Variants in CADM2 observed in about 807,000 individuals in gnomAD.
CADM2 encodes cell adhesion molecule 2, also known as immunoglobulin superfamily member 4D.
CADM2 carries 12 observed loss-of-function variants against 49.8 expected under a neutral mutation model. That is an observed-to-expected ratio of 0.24 (90% confidence interval 0.15 to 0.39). CADM2 has a LOEUF of 0.39. CADM2 is among the 10% of genes least tolerant of loss of function. The pLI is 1.00. For missense variants in CADM2, 378 were observed against 492.3 expected, an observed-to-expected ratio of 0.77 and a Z score of 2.20; for synonymous variants, 214 against 175.4, an observed-to-expected ratio of 1.22 and a Z score of -1.74.
At chr3:85,064,788 AATAG>A (rs755676195) in intron 1 of CADM2, among the ~76,000 whole-genome samples, 20 of 152,246 alleles carry the variant, frequency 1.3e-4, no homozygotes, top group Non-Finnish European at 2.8e-4. Context: ...CTGATTGAAT[AATAG>A]ATGATGATTG....
intron 1 of CADM2, among the ~76,000 whole-genome samples, chr3:85,282,628 G>A (rs969420180): frequency 4.6e-5 from 7 of 151,674 alleles, no homozygotes; most frequent in African/African-American, 1.5e-4. Flanking sequence ...GAGAATTACC[G>A]TAGTAAAGAA....
intron 1 of CADM2, among the ~76,000 whole-genome samples, chr3:85,236,617 C>T (rs891773545): frequency 2.0e-5 from 3 of 152,008 alleles, no homozygotes; most frequent in African/African-American, 7.2e-5. Flanking sequence ...TTAAGGAAAT[C>T]ATTTTTATAT....
In CADM2 at chr3:85,510,824, G is replaced by T. The variant is rs2040582442; in HGVS notation, c.62-215698G>T. On this transcript the variant is annotated intron_variant, in intron 1 of 9. Coordinates refer to ENST00000383699, the MANE Select transcript of CADM2 (RefSeq NM_001167675.2). ...TACTTCATATGTAATACTGTGCTAG[G>T]TATTGTATTAAAAGGATAAATATAA... Among the ~76,000 whole-genome samples, 3 of 151,678 alleles carry T rather than the reference G, an allele frequency of 2.0e-5. No individual in the cohort carries two copies. In the South Asian group the frequency reaches 6.2e-4, roughly 32 times the overall value.
intron 1 of CADM2, among the ~76,000 whole-genome samples, chr3:85,586,681 G>A (rs2062955041): frequency 6.6e-6 from 1 of 152,096 alleles, no homozygotes; most frequent in African/African-American, 2.4e-5. Context: ...AAAAGTAACT[G>A]TGGTTTTTAC....
chr3:85,099,110 G>C (rs982828419), intron 1 of CADM2, among the ~76,000 whole-genome samples: 13 of 152,072 alleles, frequency 8.5e-5, no homozygotes, highest in Non-Finnish European at 1.6e-4. Context: ...TTCAGGGCTA[G>C]AACTCCCCAA....
chr3:85,114,169 G>GCTTA, intron 1 of CADM2, among the ~76,000 whole-genome samples: 1 of 152,080 alleles, frequency 6.6e-6, no homozygotes, highest in East Asian at 1.9e-4. Flanking sequence ...GGGTTGCAAG[G>GCTTA]CTTAGCTCAC....
chr3:85,781,925 T>A (rs1307391686), intron 2 of CADM2, among the ~76,000 whole-genome samples: 4 of 152,238 alleles, frequency 2.6e-5, no homozygotes, highest in East Asian at 3.9e-4. Flanking sequence ...ACACACCTAC[T>A]GTAAATGTTA....
intron 1 of CADM2, among the ~76,000 whole-genome samples, chr3:85,107,631 T>TTCTTTC (rs58177574): frequency 2.2e-5 from 3 of 137,842 alleles, no homozygotes; most frequent in South Asian, 2.4e-4. Flanking sequence ...CTTTCTTTCT[T>TTCTTTC]TTTCTTTCTT....
chr3:85,311,363 A>G (rs1037372372), intron 1 of CADM2, among the ~76,000 whole-genome samples: 1 of 143,798 alleles, frequency 7.0e-6, no homozygotes, highest in South Asian at 2.1e-4. Context: ...ATTTATTTAT[A>G]TTTATTATTA....
intron 7 of CADM2, among the ~76,000 whole-genome samples, chr3:85,952,775 T>C (rs1723597247): frequency 6.6e-6 from 1 of 150,924 alleles, no homozygotes; most frequent in Admixed American, 6.6e-5. Flanking sequence ...CTTTCCTTTA[T>C]TATTTCTCTC....
Position 86,071,418 on chromosome 3 carries a change from G to T in CADM2, c.*4635G>T, listed in dbSNP as rs1236408826. ...GGATTGAAAGTAGCAAGATAATAAA[G>T]AGAGTTAAAGGGGACAACATATAAC... On this transcript the variant is annotated 3_prime_UTR_variant, in exon 10 of 10. Coordinates refer to ENST00000383699, the MANE Select transcript of CADM2 (RefSeq NM_001167675.2). 6.6e-6 allele frequency: 1 copy of T among 151,686 alleles called. No homozygotes were observed. The highest frequency in any genetic ancestry group is 1.5e-5 in the Non-Finnish European group (1 of 67,784). The allele number at this position is 151,686 out of a possible 1,614,324, so 9.4% of individuals were successfully genotyped here.
At chr3:85,703,524 A>G (rs2066847652) in intron 1 of CADM2, among the ~76,000 whole-genome samples, 1 of 152,182 alleles carries the variant, frequency 6.6e-6, no homozygotes, top group Non-Finnish European at 1.5e-5. Context: ...GTGAAGGATC[A>G]TAACCGTAGA....
chr3:85,294,876 A>G lies in CADM2; in HGVS notation c.61+335208A>G, dbSNP rs1234644152. Among the ~76,000 whole-genome samples, 22 of 152,318 alleles carry G rather than the reference A, an allele frequency of 1.4e-4. No individual in the cohort carries two copies. The Middle Eastern group carries it at 0.014, about 94-fold the overall frequency. On this transcript the variant is annotated intron_variant, in intron 1 of 9. Transcript: ENST00000383699. ...AGGCATTACCATTCAGGACATAGGC[A>G]TGGGCAAGGACTTCATGACTAAAAC...
chr3:85,925,389 G>A (rs1002153406), intron 6 of CADM2, among the ~76,000 whole-genome samples: 1 of 152,062 alleles, frequency 6.6e-6, no homozygotes, highest in Non-Finnish European at 1.5e-5. Context: ...CACTAAAATC[G>A]AAAGAAATTT....
intron 3 of CADM2, among the ~76,000 whole-genome samples, chr3:85,842,571 A>C (rs1171207548): frequency 1.3e-5 from 2 of 152,086 alleles, no homozygotes; most frequent in Non-Finnish European, 2.9e-5. Flanking sequence ...TTCCTTCAGA[A>C]AGCTTCCCTA....
intron 1 of CADM2, among the ~76,000 whole-genome samples, chr3:85,002,453 C>G (rs1369312451): frequency 6.6e-6 from 1 of 152,020 alleles, no homozygotes; most frequent in Non-Finnish European, 1.5e-5. Flanking sequence ...CACTTTATTA[C>G]CCATCACAAT....
intron 1 of CADM2, among the ~76,000 whole-genome samples, chr3:85,192,107 A>G (rs1460616497): frequency 6.6e-6 from 1 of 152,056 alleles, no homozygotes; most frequent in East Asian, 1.9e-4. Context: ...CATAGTAAAA[A>G]AAAAAGACAT....
intron 1 of CADM2, among the ~76,000 whole-genome samples, chr3:85,442,629 T>C (rs2037264146): frequency 1.8e-5 from 2 of 113,288 alleles, no homozygotes; most frequent in South Asian, 5.7e-4. Flanking sequence ...TATATATATA[T>C]ATATGAATAT....
At chr3:85,745,696 T>G (rs973502688) in intron 2 of CADM2, among the ~76,000 whole-genome samples, 10 of 152,034 alleles carry the variant, frequency 6.6e-5, no homozygotes, top group African/African-American at 2.4e-4. Flanking sequence ...CGATACCCCA[T>G]CTCTACAAAA....
Sources: allele counts gnomAD v4.1 joint callset (sites outside exome capture counted in the v4.1 genomes callset), GRCh38; gene constraint gnomAD v4.1.1; transcripts MANE v1.5; gene names NCBI Gene and HGNC (gene_info 2026-07-23, HGNC 2026-07-21).